STPG2: variants seen among roughly 807,000 people sequenced by gnomAD.
STPG2 encodes the protein sperm-tail PG-rich repeat-containing protein 2.
STPG2 carries 56 observed loss-of-function variants against 54.2 expected under a neutral mutation model. The ratio of observed to expected loss-of-function variants is 1.03; its 90% confidence interval spans 0.83 to 1.29. The LOEUF is 1.29. Among genes scored for constraint, STPG2 ranks in the 50% most tolerant of loss-of-function variants. The probability of loss-of-function intolerance (pLI) is 0.00; values close to 1 mark genes in which losing one functional copy is unlikely to be tolerated. For missense variants in STPG2, 596 were observed against 544.9 expected (o/e 1.09, Z -0.93); for synonymous variants, 200 against 181.8 (o/e 1.10, Z -0.81).
At chr4:98,081,923 T>G (rs1050183931) in intron 5 of STPG2, among the ~76,000 whole-genome samples, 1 of 152,184 alleles carries the variant, frequency 6.6e-6, no homozygotes, top group African/African-American at 2.4e-5. Context: ...ATAGTTTAGT[T>G]CAATAGAGGC....
intron 5 of STPG2, among the ~76,000 whole-genome samples, chr4:98,016,213 CAG>C (rs1222497857): frequency 1.3e-5 from 2 of 151,966 alleles, no homozygotes; most frequent in Non-Finnish European, 2.9e-5. Flanking sequence ...CAACTAAAAA[CAG>C]AAAGAATTTG....
chr4:98,011,249 T>C (rs1266328528), intron 5 of STPG2, among the ~76,000 whole-genome samples: 1 of 152,152 alleles, frequency 6.6e-6, no homozygotes, highest in Non-Finnish European at 1.5e-5. Flanking sequence ...ATGAAGATGA[T>C]GGCTACCAGC....
intron 3 of STPG2, among the ~76,000 whole-genome samples, chr4:98,125,402 T>C (rs1739800837): frequency 6.6e-6 from 1 of 152,156 alleles, no homozygotes; most frequent in South Asian, 2.1e-4. Context: ...TGCTGTTTGT[T>C]TGTCTCTTAA....
chr4:97,881,287 T>C (rs1404987345), intron 8 of STPG2, among the ~76,000 whole-genome samples: 1 of 152,144 alleles, frequency 6.6e-6, no homozygotes, highest in Non-Finnish European at 1.5e-5. Flanking sequence ...ATATTTTCCA[T>C]AAGTCACTTA....
At chr4:97,956,310 A>G (rs1733672095) in intron 7 of STPG2, among the ~76,000 whole-genome samples, 1 of 152,110 alleles carries the variant, frequency 6.6e-6, no homozygotes, top group Non-Finnish European at 1.5e-5. Flanking sequence ...ATATTGATGA[A>G]ATGAAATAAA....
chr4:97,481,613 T>C (rs754952608), intron 4 of STPG2, among the ~76,000 whole-genome samples: 1 of 151,624 alleles, frequency 6.6e-6, no homozygotes, highest in Non-Finnish European at 1.5e-5. Context: ...GATGCTATTA[T>C]CGGTGGCACA....
At chr4:97,462,392 A>C in intron 4 of STPG2, among the ~76,000 whole-genome samples, 1 of 152,066 alleles carries the variant, frequency 6.6e-6, no homozygotes, top group South Asian at 2.1e-4. Flanking sequence ...ATTCTATATA[A>C]ATTTTCATAT....
intron 4 of STPG2, among the ~76,000 whole-genome samples, chr4:97,534,630 G>A (rs894570770): frequency 6.6e-6 from 1 of 151,420 alleles, no homozygotes; most frequent in Non-Finnish European, 1.5e-5. Context: ...TCATTTTATT[G>A]AAGTATAAGT....
chr4:97,777,809 T>C (rs1726429380), intron 9 of STPG2, among the ~76,000 whole-genome samples: 1 of 152,236 alleles, frequency 6.6e-6, no homozygotes, highest in Admixed American at 6.5e-5. Context: ...TTCAGTTGTT[T>C]CATTCATAGT....
At chr4:97,508,879 C>T (rs1730909362) in intron 4 of STPG2, among the ~76,000 whole-genome samples, 1 of 152,114 alleles carries the variant, frequency 6.6e-6, no homozygotes, top group African/African-American at 2.4e-5. Context: ...TGTAGAGAAG[C>T]AAACACTCTA....
chr4:97,908,971 T>A (rs975812616), intron 8 of STPG2, among the ~76,000 whole-genome samples: 1 of 150,590 alleles, frequency 6.6e-6, no homozygotes, highest in Non-Finnish European at 1.5e-5. Flanking sequence ...CATATGTAAC[T>A]AACCTGCACA....
intron 9 of STPG2, among the ~76,000 whole-genome samples, chr4:97,720,523 A>T (rs1724416549): frequency 6.6e-6 from 1 of 152,012 alleles, no homozygotes; most frequent in Admixed American, 6.6e-5. Flanking sequence ...TGCCAAACAA[A>T]TATCATATTA....
intron 8 of STPG2, among the ~76,000 whole-genome samples, chr4:97,860,462 C>T (rs918292519): frequency 1.4e-5 from 2 of 140,254 alleles, no homozygotes; most frequent in Non-Finnish European, 3.2e-5. Context: ...CAGGTATATT[C>T]CTAAGTTTTA....
At chr4:97,875,501 A>G (rs1730143218) in intron 8 of STPG2, among the ~76,000 whole-genome samples, 1 of 151,946 alleles carries the variant, frequency 6.6e-6, no homozygotes, top group Admixed American at 6.6e-5. Context: ...AAAGGAAATT[A>G]TTTCAAATAA....
Position 97,565,319 on chromosome 4 carries a change from A to C in STPG2, c.1321-6202T>G, listed in dbSNP as rs1396071757. On this transcript the variant is annotated intron_variant, in intron 10 of 10. Coordinates refer to ENST00000295268, the MANE Select transcript of STPG2 (RefSeq NM_174952.3). Reference sequence around the variant, plus strand: ...TAAGCACTTCTCTGTATTGGTTATTATAGTTATACATTCATCGAAATTTTT... The same window carrying C: ...TAAGCACTTCTCTGTATTGGTTATTCTAGTTATACATTCATCGAAATTTTT... Among the ~76,000 whole-genome samples the C allele has an allele frequency of 5.3e-5, 8 of 152,218 alleles. No homozygotes were observed. In the East Asian group the frequency reaches 7.8e-4, roughly 15 times the overall value.
intron 10 of STPG2, among the ~76,000 whole-genome samples, chr4:97,646,291 C>T (rs1448385252): frequency 6.6e-6 from 1 of 152,114 alleles, no homozygotes; most frequent in African/African-American, 2.4e-5. Context: ...AAATCTAGTC[C>T]TCTATCCACC....
At chr4:97,581,208 A>C (rs1036076756) in intron 10 of STPG2, among the ~76,000 whole-genome samples, 16 of 152,086 alleles carry the variant, frequency 1.1e-4, no homozygotes, top group Admixed American at 3.9e-4. Context: ...ACAGGTAATA[A>C]GAAATATTTC....
chr4:97,741,955 G>T (rs1438154123), intron 9 of STPG2, among the ~76,000 whole-genome samples: 7 of 152,076 alleles, frequency 4.6e-5, no homozygotes, highest in Non-Finnish European at 1.0e-4. Flanking sequence ...CAAGGACTTG[G>T]AACCAACCCA....
intron 5 of STPG2, among the ~76,000 whole-genome samples, chr4:97,997,333 T>C (rs1213966186): frequency 6.6e-6 from 1 of 152,180 alleles, no homozygotes; most frequent in Non-Finnish European, 1.5e-5. Context: ...CATCTGCTTT[T>C]AAGGAGGACT....
Sources: allele counts gnomAD v4.1 joint callset (sites outside exome capture counted in the v4.1 genomes callset), GRCh38; gene constraint gnomAD v4.1.1; transcripts MANE v1.5; gene names NCBI Gene and HGNC (gene_info 2026-07-23, HGNC 2026-07-21).